CPM: variants seen among roughly 807,000 people sequenced by gnomAD.
CPM encodes the protein renal carboxypeptidase.
In CPM, 35 loss-of-function variants were observed where a neutral mutation model predicts 46.4. The observed-to-expected ratio is 0.75, with a 90% CI of 0.58 to 1.00. The LOEUF (loss-of-function observed/expected upper bound fraction) is 1.00. Ranked by LOEUF, CPM falls within the 50% of genes least tolerant of loss-of-function variation. CPM has a pLI of 0.00. For synonymous variants in CPM, 195 were observed against 195.3 expected, an observed-to-expected ratio of 1.00 and a Z score of 0.01; for missense variants, 422 against 530.4, an observed-to-expected ratio of 0.80 and a Z score of 2.01.
At chr12:68,877,969 A>C (rs1886032518) in intron 3 of CPM, among the ~76,000 whole-genome samples, 1 of 152,242 alleles carries the variant, frequency 6.6e-6, no homozygotes, top group South Asian at 2.1e-4. Flanking sequence ...AAAGTCATTT[A>C]TCCTTTATCT....
At chr12:68,894,293 C>T (rs1226136103) in intron 2 of CPM, among the ~76,000 whole-genome samples, 1 of 152,220 alleles carries the variant, frequency 6.6e-6, no homozygotes, top group East Asian at 1.9e-4. Flanking sequence ...CACTGCTAAC[C>T]TAACGGTGCC....
intron 3 of CPM, 68 bp downstream of exon 3, chr12:68,885,724 A>G: frequency 1.6e-6 from 2 of 1,277,448 alleles, no homozygotes; most frequent in South Asian, 2.5e-5. Context: ...TAGCATTTAT[A>G]CAGAGCTCAA....
At chr12:68,912,479 A>T (rs924887489) in intron 2 of CPM, among the ~76,000 whole-genome samples, 4 of 152,202 alleles carry the variant, frequency 2.6e-5, no homozygotes, top group Admixed American at 2.6e-4. Flanking sequence ...CCTACCGTCT[A>T]ACTTAGAAAC....
At chr12:68,908,608 A>C (rs1887450611) in intron 2 of CPM, among the ~76,000 whole-genome samples, 1 of 151,986 alleles carries the variant, frequency 6.6e-6, no homozygotes, top group Non-Finnish European at 1.5e-5. Flanking sequence ...TCTACATACC[A>C]CTCGATTCCC....
intron 5 of CPM, 82 bp from the exon 6 acceptor site, chr12:68,869,577 A>G: frequency 1.6e-6 from 2 of 1,237,908 alleles, no homozygotes; most frequent in Non-Finnish European, 1.1e-6. Context: ...CAAAGACATA[A>G]TCGCATCACA....
At chr12:68,894,752 C>T (rs997568496) in intron 2 of CPM, among the ~76,000 whole-genome samples, 9 of 152,022 alleles carry the variant, frequency 5.9e-5, no homozygotes, top group East Asian at 1.9e-4. Flanking sequence ...AAGGGTGTCA[C>T]GGCCAGGTGT....
chr12:68,863,943 T>C (rs1220018051), intron 7 of CPM, among the ~76,000 whole-genome samples: 9 of 152,224 alleles, frequency 5.9e-5, no homozygotes, highest in Admixed American at 5.2e-4. Context: ...TAGTTTCTTA[T>C]TGGGCACTAG....
intron 2 of CPM, among the ~76,000 whole-genome samples, chr12:68,893,714 G>A (rs893216653): frequency 2.0e-5 from 3 of 152,184 alleles, no homozygotes; most frequent in African/African-American, 7.2e-5. Context: ...ATGAGAAATA[G>A]GCAGGCATTT....
chr12:68,863,327 C>T (rs560399790), intron 7 of CPM, among the ~76,000 whole-genome samples: 24 of 152,252 alleles, frequency 1.6e-4, no homozygotes, highest in Admixed American at 5.9e-4. Flanking sequence ...CAGGTAACAC[C>T]GTGTCTGGCT....
At chr12:68,860,256 C>G (rs371406910) in intron 7 of CPM, among the ~76,000 whole-genome samples, 386 of 152,284 alleles carry the variant, frequency 2.5e-3, no homozygotes, top group African/African-American at 8.5e-3. Context: ...CTCTATACAA[C>G]TGTGTAAACT....
intron 1 of CPM, among the ~76,000 whole-genome samples, chr12:68,944,581 G>A (rs1228323415): frequency 6.6e-6 from 1 of 152,032 alleles, no homozygotes; most frequent in African/African-American, 2.4e-5. Context: ...TTTATTTTTT[G>A]TAGATATGGG....
chr12:68,847,050 A>G (rs73144210), downstream of CPM: 50,642 of 149,188 alleles, frequency 0.34, 9,300 homozygotes, highest in Non-Finnish European at 0.42. Flanking sequence ...TAGTGGCGCA[A>G]ACATGACTCA....
chr12:68,937,467 A>G (rs1888690174), upstream of CPM, among the ~76,000 whole-genome samples: 1 of 152,228 alleles, frequency 6.6e-6, no homozygotes. Context: ...ACAGCCTCCC[A>G]CAACAAAGAA....
intron 2 of CPM, among the ~76,000 whole-genome samples, chr12:68,896,893 G>T (rs531485269): frequency 6.6e-6 from 1 of 151,656 alleles, no homozygotes; most frequent in South Asian, 2.1e-4. Context: ...CTAAATTAGG[G>T]ACAGTTACGT....
intron 2 of CPM, among the ~76,000 whole-genome samples, chr12:68,909,785 C>T (rs572116571): frequency 5.2e-4 from 70 of 134,830 alleles, no homozygotes; most frequent in African/African-American, 1.6e-3. Context: ...AGTTGAACAA[C>T]GAGAACACAT....
intron 5 of CPM, 90 bp downstream of exon 5, chr12:68,870,125 G>T: frequency 7.7e-7 from 1 of 1,306,626 alleles, no homozygotes; most frequent in Non-Finnish European, 1.1e-6. Context: ...AGTTAAGAGG[G>T]GAAGGGAGAG....
chr12:68,911,906 T>C (rs1224189754), intron 2 of CPM: 1 of 152,222 alleles, frequency 6.6e-6, no homozygotes, highest in Non-Finnish European at 1.5e-5. Flanking sequence ...CAACCATTAT[T>C]AAACAGTCTT....
chr12:68,901,455 A>G (rs1386413556), intron 2 of CPM, among the ~76,000 whole-genome samples: 1 of 152,252 alleles, frequency 6.6e-6, no homozygotes, highest in Non-Finnish European at 1.5e-5. Flanking sequence ...ACCATATTAG[A>G]AAGGGGTTAA....
chr12:68,858,102 T>G (rs1432453274), intron 8 of CPM, among the ~76,000 whole-genome samples: 1 of 152,226 alleles, frequency 6.6e-6, no homozygotes, highest in African/African-American at 2.4e-5. Context: ...TTTTCCATGA[T>G]GTCCTCAAGA....
Sources: allele counts gnomAD v4.1 joint callset (sites outside exome capture counted in the v4.1 genomes callset), GRCh38; gene constraint gnomAD v4.1.1; transcripts MANE v1.5; gene names NCBI Gene and HGNC (gene_info 2026-07-23, HGNC 2026-07-21).